Variants in OR51B5 observed in about 807,000 individuals in gnomAD.
OR51B5 encodes olfactory receptor 51B5.
For synonymous variants in OR51B5, 186 were observed against 144.8 expected, an observed-to-expected ratio of 1.28 and a Z score of -2.04; for missense variants, 456 against 374.6, an observed-to-expected ratio of 1.22 and a Z score of -1.79.
intron 1 of OR51B5, chr11:5,422,573 T>C (rs775234158): frequency 6.2e-7 from 1 of 1,614,214 alleles, no homozygotes; most frequent in Non-Finnish European, 8.5e-7. Flanking sequence ...CGTTGACTGC[T>C]ATGTGGCCAT....
intron 1 of OR51B5, among the ~76,000 whole-genome samples, chr11:5,445,205 C>A (rs995434979): frequency 1.3e-5 from 2 of 152,048 alleles, no homozygotes; most frequent in Non-Finnish European, 2.9e-5. Context: ...GAAATAGAGA[C>A]TTAAAGAAAT....
chr11:5,467,313 G>A (rs765640933), intron 1 of OR51B5, among the ~76,000 whole-genome samples: 2 of 152,134 alleles, frequency 1.3e-5, no homozygotes, highest in South Asian at 4.1e-4. Flanking sequence ...CGTTCAGGGG[G>A]TGTTTGGGAG....
At chr11:5,447,937 CCT>C (rs1171472138) in intron 1 of OR51B5, among the ~76,000 whole-genome samples, 2 of 152,166 alleles carry the variant, frequency 1.3e-5, no homozygotes, top group Admixed American at 6.5e-5. Context: ...TCATAGGGAA[CCT>C]CTCTTCTGAA....
intron 1 of OR51B5, among the ~76,000 whole-genome samples, chr11:5,409,068 G>A (rs184494752): frequency 6.6e-6 from 1 of 152,246 alleles, no homozygotes; most frequent in Admixed American, 6.5e-5. Flanking sequence ...TAAGCAGGAT[G>A]TTGTAGTCTA....
At chr11:5,401,782 G>T (rs1849970285) in intron 1 of OR51B5, among the ~76,000 whole-genome samples, 1 of 151,990 alleles carries the variant, frequency 6.6e-6, no homozygotes, top group Non-Finnish European at 1.5e-5. Flanking sequence ...GATCCAAGGT[G>T]CACTACACCT....
chr11:5,360,128 GC>G (rs1269119522), intron 1 of OR51B5, among the ~76,000 whole-genome samples: 1 of 151,674 alleles, frequency 6.6e-6, no homozygotes. Flanking sequence ...GGCAACAAAA[GC>G]CAAAATGGAC....
chr11:5,472,872 A>AGAGGAG (rs1483086555), intron 1 of OR51B5, among the ~76,000 whole-genome samples: 1 of 152,168 alleles, frequency 6.6e-6, no homozygotes, highest in Non-Finnish European at 1.5e-5. Context: ...GGCACAACGG[A>AGAGGAG]GAGGAGCCTA....
At chr11:5,341,075 TAATG>T (rs1399598459), downstream of OR51B5, 1 of 152,120 alleles carries the variant, frequency 6.6e-6, no homozygotes, top group Non-Finnish European at 1.5e-5. Context: ...TTACATCTCT[TAATG>T]AAACAGAATA....
intron 1 of OR51B5, among the ~76,000 whole-genome samples, chr11:5,364,369 TG>T (rs1418418416): frequency 6.6e-6 from 1 of 152,148 alleles, no homozygotes; most frequent in Admixed American, 6.6e-5. Flanking sequence ...CAGGAGGTCA[TG>T]GTAAGGCTAT....
At chr11:5,405,701 T>C (rs1589978497) in intron 1 of OR51B5, among the ~76,000 whole-genome samples, 1 of 152,238 alleles carries the variant, frequency 6.6e-6, no homozygotes. Context: ...GCATTCTGCA[T>C]TGTAAAGATG....
chr11:5,474,745 T>C (rs1190204376), intron 1 of OR51B5, among the ~76,000 whole-genome samples: 1 of 152,238 alleles, frequency 6.6e-6, no homozygotes, highest in African/African-American at 2.4e-5. Context: ...TGTAAACTCA[T>C]CTTTGAGAGA....
chr11:5,389,236 A>G, intron 1 of OR51B5: 2 of 720,902 alleles, frequency 2.8e-6, no homozygotes, highest in Non-Finnish European at 4.6e-6. Context: ...GTTATCAAAG[A>G]AAGTTCAATA....
At chr11:5,360,295 C>A (rs1849261497) in intron 1 of OR51B5, among the ~76,000 whole-genome samples, 1 of 151,794 alleles carries the variant, frequency 6.6e-6, no homozygotes, top group Admixed American at 6.6e-5. Flanking sequence ...AACAAATTTA[C>A]AAGAAAAAAA....
At position 5,424,998 on chromosome 11, in the gene OR51B5, G is replaced by A. The variant is rs10531305; in HGVS notation, n.85-78088C>T. ...CTCCGCCTCAAAAAAAAAAAAAAAA[G>A]AAGTGAAAGGCAGAAAGCAAATACC... is the stretch of plus-strand genomic sequence containing the variant. On this transcript the variant is annotated intron_variant and non_coding_transcript_variant, in intron 1 of 4. Transcript: ENST00000415970. 2.9e-3 allele frequency among the ~76,000 whole-genome samples: 261 copies of A among 90,700 alleles called. 8 individuals carry two copies. The highest frequency in any genetic ancestry group is 6.9e-3 in the Middle Eastern group (1 of 144). 59.5% of individuals were successfully genotyped at this position (90,700 alleles called of 152,430 possible).
exon 1 of OR51B5, chr11:5,342,745 A>G (rs1218654139): frequency 2.5e-6 from 4 of 1,613,912 alleles, no homozygotes; most frequent in East Asian, 2.2e-5. Flanking sequence ...TTCCAAAACG[A>G]TGAATCAGAG....
chr11:5,382,972 G>A (rs1484478846), intron 1 of OR51B5, among the ~76,000 whole-genome samples: 1 of 152,156 alleles, frequency 6.6e-6, no homozygotes, highest in Non-Finnish European at 1.5e-5. Context: ...CTCCAAGAGT[G>A]TGTGTGTGTT....
At chr11:5,360,965 G>A (rs546519736) in intron 1 of OR51B5, among the ~76,000 whole-genome samples, 87 of 146,688 alleles carry the variant, frequency 5.9e-4, no homozygotes, top group Non-Finnish European at 1.0e-3. Context: ...ACAGGAAGGG[G>A]AACATCACAC....
chr11:5,387,094 T>C (rs921955656), intron 1 of OR51B5, among the ~76,000 whole-genome samples: 3 of 152,024 alleles, frequency 2.0e-5, no homozygotes, highest in African/African-American at 2.4e-5. Context: ...ATAGATAATA[T>C]AATGAATGAG....
chr11:5,483,509 A>T (rs963277769), intron 1 of OR51B5, among the ~76,000 whole-genome samples: 32 of 93,592 alleles, frequency 3.4e-4, no homozygotes, highest in Non-Finnish European at 4.2e-4. Context: ...AAGTATAATT[A>T]AAAAAAAAAG....
Sources: allele counts gnomAD v4.1 joint callset (sites outside exome capture counted in the v4.1 genomes callset), GRCh38; gene constraint gnomAD v4.1.1; transcripts MANE v1.5; gene names NCBI Gene and HGNC (gene_info 2026-07-23, HGNC 2026-07-21).